DENND1A: variants seen among roughly 807,000 people sequenced by gnomAD.
DENND1A encodes DENN domain-containing protein 1A.
DENND1A carries 51 observed loss-of-function variants against 113.7 expected under a neutral mutation model. The ratio of observed to expected loss-of-function variants is 0.45; its 90% CI spans 0.36 to 0.57. DENND1A has a LOEUF of 0.57. DENND1A is among the 20% of genes least tolerant of loss of function. The probability of loss-of-function intolerance (pLI) is 0.00; values close to 1 mark genes in which losing one functional copy is unlikely to be tolerated. For missense variants in DENND1A, 1,258 were observed against 1,395.9 expected (o/e 0.90, Z 1.57); for synonymous variants, 565 against 570.8 (o/e 0.99, Z 0.14).
intron 10 of DENND1A, among the ~76,000 whole-genome samples, chr9:123,620,232 A>AAAAAAAAAAAAAAAAAAAAAAAAAAAAAG (rs1554916729): frequency 9.6e-5 from 11 of 114,404 alleles, no homozygotes; most frequent in African/African-American, 1.5e-4. Context: ...AAAAAAAAAA[A>AAAAAAAAAAAAAAAAAAAAAAAAAAAAAG]AAAAAAGAAA....
At chr9:123,390,288 C>T (rs2042772755) in intron 21 of DENND1A, among the ~76,000 whole-genome samples, 3 of 152,254 alleles carry the variant, frequency 2.0e-5, no homozygotes, top group Admixed American at 2.0e-4. Flanking sequence ...GGAACCCCCA[C>T]TTTACCATCT....
chr9:123,637,958 C>T (rs1199582137), intron 9 of DENND1A, among the ~76,000 whole-genome samples: 3 of 150,262 alleles, frequency 2.0e-5, no homozygotes, highest in African/African-American at 7.3e-5. Flanking sequence ...CACGCGCACA[C>T]ACACACACAC....
chr9:123,703,208 C>T (rs546683769), intron 5 of DENND1A, among the ~76,000 whole-genome samples: 6 of 152,168 alleles, frequency 3.9e-5, no homozygotes, highest in South Asian at 2.1e-4. Context: ...AGGTTGGTCT[C>T]GAACTCCTGG....
At chr9:123,858,317 C>T (rs1844570590) in intron 2 of DENND1A, among the ~76,000 whole-genome samples, 1 of 152,146 alleles carries the variant, frequency 6.6e-6, no homozygotes, top group Admixed American at 6.5e-5. Flanking sequence ...AACTTATTCC[C>T]AAATTGTGCA....
At chr9:123,832,398 A>G (rs1840363020) in intron 2 of DENND1A, among the ~76,000 whole-genome samples, 1 of 152,236 alleles carries the variant, frequency 6.6e-6, no homozygotes, top group Non-Finnish European at 1.5e-5. Flanking sequence ...GATGATATAG[A>G]GCAAGAGGAG....
chr9:123,472,637 C>A (rs1408798891), intron 13 of DENND1A, among the ~76,000 whole-genome samples: 4 of 152,104 alleles, frequency 2.6e-5, no homozygotes, highest in Admixed American at 2.6e-4. Flanking sequence ...CACTCAGGGC[C>A]CCTTGTCCCC....
intron 10 of DENND1A, among the ~76,000 whole-genome samples, chr9:123,611,278 C>A (rs1374088123): frequency 6.6e-6 from 1 of 152,070 alleles, no homozygotes; most frequent in Non-Finnish European, 1.5e-5. Flanking sequence ...TCCCCTTAAA[C>A]TGTAAACCAT....
intron 1 of DENND1A, among the ~76,000 whole-genome samples, chr9:123,880,035 CAG>C (rs1848094244): frequency 6.6e-6 from 1 of 152,164 alleles, no homozygotes; most frequent in African/African-American, 2.4e-5. Context: ...TATTTTGAGA[CAG>C]AGTCTCACTC....
At chr9:123,639,257 G>A (rs1291867878) in intron 9 of DENND1A, among the ~76,000 whole-genome samples, 9 of 151,550 alleles carry the variant, frequency 5.9e-5, no homozygotes, top group Admixed American at 5.9e-4. Context: ...GGCCAACAGA[G>A]TGAAACCTTT....
At chr9:123,745,159 C>T (rs2069385485) in intron 5 of DENND1A, among the ~76,000 whole-genome samples, 1 of 152,120 alleles carries the variant, frequency 6.6e-6, no homozygotes, top group Non-Finnish European at 1.5e-5. Context: ...TAATCAGAAG[C>T]TCATTTCCAA....
chr9:123,759,684 C>T lies in DENND1A; in HGVS notation c.183-1862G>A, dbSNP rs1037611461. The T allele has an allele frequency of 2.6e-5, 4 of 152,334 alleles. No individual in the cohort carries two copies. In the East Asian group the frequency reaches 7.7e-4, roughly 29 times the overall value. The allele number at this position is 152,334 out of a possible 1,614,324, so 9.4% of individuals were successfully genotyped here. A position where few individuals can be genotyped will look rare whatever the true frequency, so the allele number is the denominator to read the frequency against. On this transcript the variant is annotated intron_variant, in intron 4 of 23. Transcript: ENST00000394215. Reference sequence around the variant, plus strand: ...AAGTGATCCGCTTGCCTCAGCCTCTCAAAGTGCTGGGATTACCGCCTGGCC... The same window carrying T: ...AAGTGATCCGCTTGCCTCAGCCTCTTAAAGTGCTGGGATTACCGCCTGGCC...
At chr9:123,803,731 T>C (rs370760651) in intron 2 of DENND1A, among the ~76,000 whole-genome samples, 41 of 152,336 alleles carry the variant, frequency 2.7e-4, no homozygotes, top group African/African-American at 8.9e-4. Context: ...TCTACAGATA[T>C]TTCTTAAAAG....
intron 2 of DENND1A, among the ~76,000 whole-genome samples, chr9:123,849,753 C>T (rs1843076553): frequency 1.3e-5 from 2 of 152,132 alleles, no homozygotes; most frequent in Admixed American, 6.5e-5. Flanking sequence ...ATTCTAGATG[C>T]CATTAAGAAC....
At chr9:123,592,210 A>G (rs1408839076) in intron 11 of DENND1A, among the ~76,000 whole-genome samples, 1 of 152,262 alleles carries the variant, frequency 6.6e-6, no homozygotes, top group Non-Finnish European at 1.5e-5. Flanking sequence ...AAAATGGATT[A>G]GAGTTCTAAG....
At chr9:123,466,741 A>G (rs2048983785) in intron 13 of DENND1A, among the ~76,000 whole-genome samples, 1 of 152,242 alleles carries the variant, frequency 6.6e-6, no homozygotes, top group South Asian at 2.1e-4. Context: ...ACAAAGTAAC[A>G]TAAATAAGAA....
intron 1 of DENND1A, among the ~76,000 whole-genome samples, chr9:123,898,990 C>T (rs2133859982): frequency 6.6e-6 from 1 of 152,342 alleles, no homozygotes; most frequent in Non-Finnish European, 1.5e-5. Flanking sequence ...ATTTCCACTT[C>T]CACTGACTTC....
rs376693051 is a variant in DENND1A at position 123,671,020 on chromosome 9, C to T, written c.453+271G>A. On this transcript the variant is annotated intron_variant, in intron 7 of 23. Coordinates refer to ENST00000394215, the MANE Select transcript of DENND1A (RefSeq NM_001352964.2). ...GGCGGAGCCAGCTGTCCTATTTCAG[C>T]CCAGCATCTGTGATCCAAGAGATGC... is the stretch of plus-strand genomic sequence containing the variant. Among the ~76,000 whole-genome samples, 11 of 152,120 alleles carry T rather than the reference C, an allele frequency of 7.2e-5. No homozygotes were observed. In the East Asian group the frequency reaches 1.3e-3, roughly 19 times the overall value.
intron 13 of DENND1A, among the ~76,000 whole-genome samples, chr9:123,487,919 G>A (rs1320731610): frequency 6.6e-6 from 1 of 152,194 alleles, no homozygotes; most frequent in Non-Finnish European, 1.5e-5. Context: ...ACACAGAGCT[G>A]GGCAAATGCC....
At chr9:123,459,884 A>G (rs988241611) in intron 13 of DENND1A, among the ~76,000 whole-genome samples, 2 of 152,242 alleles carry the variant, frequency 1.3e-5, no homozygotes, top group South Asian at 4.1e-4. Flanking sequence ...GGCTGTGAGG[A>G]TGACCCAAAA....
Sources: allele counts gnomAD v4.1 joint callset (sites outside exome capture counted in the v4.1 genomes callset), GRCh38; gene constraint gnomAD v4.1.1; transcripts MANE v1.5; gene names NCBI Gene and HGNC (gene_info 2026-07-23, HGNC 2026-07-21).